ACER3: variants seen among roughly 807,000 people sequenced by gnomAD.
ACER3 encodes alkaline ceramidase 3.
In ACER3, 16 loss-of-function variants were observed where a neutral mutation model predicts 48.9. That is an observed-to-expected ratio of 0.33 (90% CI 0.22 to 0.50). The LOEUF (loss-of-function observed/expected upper bound fraction) is 0.50, where lower values mean the gene tolerates loss of function less well. Among genes scored for constraint, ACER3 ranks in the 20% least tolerant of loss-of-function variants. The pLI is 0.98. For missense variants in ACER3, 227 were observed against 326.0 expected (o/e 0.70, Z 2.34); for synonymous variants, 109 against 107.8 (o/e 1.01, Z -0.07).
chr11:76,926,733 C>T (rs780680318), intron 2 of ACER3, 66 bp downstream of exon 2: 3 of 1,103,248 alleles, frequency 2.7e-6, no homozygotes, highest in Non-Finnish European at 4.0e-6. Flanking sequence ...TCATTCATTT[C>T]TAAAAGCGGT....
At chr11:76,972,233 C>T (rs541006016) in intron 3 of ACER3, among the ~76,000 whole-genome samples, 3 of 152,310 alleles carry the variant, frequency 2.0e-5, no homozygotes, top group African/African-American at 7.2e-5. Context: ...GCAACTTCTC[C>T]ATATCATTGC....
Position 76,860,955 on chromosome 11 carries a change from G to GGGCGGCGGC in ACER3, c.-11_-3dup, listed in dbSNP as rs753848905. ...ACCCGGCACAGTGAGCGGAGCGCCT[G>GGGCGGCGGC]GGCGGCGGCGGCGGCGGCGTGATGG... On this transcript the variant is annotated 5_prime_UTR_variant, in exon 1 of 11. Coordinates refer to ENST00000532485, the MANE Select transcript of ACER3 (RefSeq NM_018367.7). 8.0e-6 allele frequency: 12 copies of GGGCGGCGGC among 1,509,326 alleles called. No homozygotes were observed. Among genetic ancestry groups the GGGCGGCGGC allele is most frequent in the Non-Finnish European group, 1.1e-5 (12 of 1,123,890 alleles). The allele number at this position is 1,509,326 out of a possible 1,614,324, so 93.5% of individuals were successfully genotyped here. A position where few individuals can be genotyped will look rare whatever the true frequency, so the allele number is the denominator to read the frequency against.
Position 76,861,054 on chromosome 11 carries a change from C to T in ACER3, c.78C>T (p.Ser26=). Reference sequence around the variant, plus strand: ...TGGACTGGTGCGAGGAGAACTACTCCGTGACCTGGTACATCGCCGAGTTCT... The same window carrying T: ...TGGACTGGTGCGAGGAGAACTACTCTGTGACCTGGTACATCGCCGAGTTCT... ...STLDWCEENY[S]VTWYIAEFWN... is the part of the protein sequence containing the mutation. The change falls in exon 1 of 11, where the codon TCC becomes TCT. Residue 26 remains serine (S), a synonymous_variant. Coordinates refer to ENST00000532485, the MANE Select transcript of ACER3 (RefSeq NM_018367.7). 6.5e-7 allele frequency: 1 copy of T among 1,547,770 alleles called. No individual in the cohort carries two copies.
intron 2 of ACER3, among the ~76,000 whole-genome samples, chr11:76,953,028 C>G (rs1002837241): frequency 6.6e-6 from 1 of 151,944 alleles, no homozygotes; most frequent in South Asian, 2.1e-4. Flanking sequence ...GATTGAGCAA[C>G]GGAAAGAGTA....
intron 2 of ACER3, among the ~76,000 whole-genome samples, chr11:76,930,597 G>T (rs1398048973): frequency 6.6e-6 from 1 of 151,872 alleles, no homozygotes; most frequent in Admixed American, 6.6e-5. Context: ...TCTCTTTTGG[G>T]CATTTAGTGC....
At chr11:76,897,142 A>G (rs1413286533) in intron 1 of ACER3, among the ~76,000 whole-genome samples, 1 of 151,998 alleles carries the variant, frequency 6.6e-6, no homozygotes, top group Admixed American at 6.6e-5. Context: ...ATTTTTGTAG[A>G]GATGGGGTTT....
chr11:76,940,744 G>C (rs58965767), intron 2 of ACER3, among the ~76,000 whole-genome samples: 3,226 of 152,166 alleles, frequency 0.021, 117 homozygotes, highest in African/African-American at 0.074. Context: ...ATGTGGTACT[G>C]TCATAATCTG....
At chr11:76,865,984 G>T (rs1337429362) in intron 1 of ACER3, among the ~76,000 whole-genome samples, 11 of 143,190 alleles carry the variant, frequency 7.7e-5, no homozygotes, top group East Asian at 6.1e-4. Context: ...GCTAATTTTT[G>T]TTTTTTGTTT....
intron 1 of ACER3, among the ~76,000 whole-genome samples, chr11:76,910,223 G>GT (rs1565171753): frequency 2.0e-5 from 3 of 151,984 alleles, no homozygotes; most frequent in African/African-American, 7.3e-5. Context: ...GTATAACTAT[G>GT]TAACAAACCT....
chr11:76,934,760 G>A (rs988729457), intron 2 of ACER3, among the ~76,000 whole-genome samples: 5 of 91,618 alleles, frequency 5.5e-5, no homozygotes, highest in Non-Finnish European at 8.9e-5. Flanking sequence ...GTGGGGAGAC[G>A]GAGAGGGAGA....
chr11:77,018,664 C>G (rs1378182851), intron 9 of ACER3, among the ~76,000 whole-genome samples: 2 of 152,230 alleles, frequency 1.3e-5, no homozygotes, highest in Non-Finnish European at 2.9e-5. Context: ...GTGAAAGTGA[C>G]ACAGCCTTAT....
intron 1 of ACER3, among the ~76,000 whole-genome samples, chr11:76,899,032 A>C (rs975017661): frequency 2.0e-5 from 3 of 151,970 alleles, no homozygotes; most frequent in Admixed American, 1.3e-4. Context: ...ATGCCTTATA[A>C]TCTTGGCATC....
At chr11:76,997,787 A>G (rs891891117) in intron 6 of ACER3, among the ~76,000 whole-genome samples, 8 of 152,190 alleles carry the variant, frequency 5.3e-5, no homozygotes, top group African/African-American at 1.9e-4. Context: ...GCAATGAGCT[A>G]TGATCATGCC....
chr11:76,964,201 G>A (rs1948075547), intron 3 of ACER3, among the ~76,000 whole-genome samples: 1 of 151,386 alleles, frequency 6.6e-6, no homozygotes, highest in Non-Finnish European at 1.5e-5. Context: ...TACGCCCACG[G>A]AGCCTCTCTC....
At chr11:76,902,472 T>C (rs1946105898) in intron 1 of ACER3, among the ~76,000 whole-genome samples, 1 of 152,220 alleles carries the variant, frequency 6.6e-6, no homozygotes, top group Non-Finnish European at 1.5e-5. Context: ...CAAATTCCCT[T>C]TTTGTTTTTT....
intron 3 of ACER3, among the ~76,000 whole-genome samples, chr11:76,964,456 AAG>A (rs1329850973): frequency 6.6e-6 from 1 of 151,288 alleles, no homozygotes; most frequent in Non-Finnish European, 1.5e-5. Context: ...GACAGCTTTG[AAG>A]AGAGTAGTGG....
At chr11:76,920,732 G>T (rs1590932982) in intron 1 of ACER3, among the ~76,000 whole-genome samples, 1 of 151,502 alleles carries the variant, frequency 6.6e-6, no homozygotes, top group African/African-American at 2.4e-5. Flanking sequence ...AGCCTCCCAG[G>T]CTCAAGCGAT....
chr11:76,868,446 C>G (rs1397462377), intron 1 of ACER3, among the ~76,000 whole-genome samples: 1 of 141,252 alleles, frequency 7.1e-6, no homozygotes, highest in Non-Finnish European at 1.5e-5. Flanking sequence ...GCCCATGGTT[C>G]CTGGCTCATA....
intron 1 of ACER3, among the ~76,000 whole-genome samples, chr11:76,917,841 CAGAG>C (rs1946573549): frequency 7.7e-6 from 1 of 130,104 alleles, no homozygotes; most frequent in African/African-American, 2.9e-5. Flanking sequence ...CTCTGTGCAA[CAGAG>C]AGAGACCCTG....
Sources: allele counts gnomAD v4.1 joint callset (sites outside exome capture counted in the v4.1 genomes callset), GRCh38; gene constraint gnomAD v4.1.1; transcripts MANE v1.5; gene names NCBI Gene and HGNC (gene_info 2026-07-23, HGNC 2026-07-21).